Variants in PIGN observed in about 807,000 individuals in gnomAD.
The protein encoded by PIGN is GPI ethanolamine phosphate transferase 1.
PIGN carries 117 observed loss-of-function variants against 125.4 expected under a neutral mutation model. That is an observed-to-expected ratio of 0.93 (90% confidence interval 0.80 to 1.09). The LOEUF (loss-of-function observed/expected upper bound fraction) is 1.09. Ranked by LOEUF, PIGN falls within the 50% of genes least tolerant of loss-of-function variation. The pLI, the probability that PIGN is intolerant of heterozygous loss-of-function variation, is 0.00. For synonymous variants in PIGN, 392 were observed against 377.8 expected (o/e 1.04, Z -0.44); for missense variants, 1,075 against 1,094.9 (o/e 0.98, Z 0.26).
rs58451402 is a variant in PIGN, at chr18:62,121,481, A to T, written c.1173-6842T>A. Among the ~76,000 whole-genome samples the T allele has an allele frequency of 1.0e-2, 1,518 of 152,286 alleles. 21 individuals carry two copies. The highest frequency in any genetic ancestry group is 0.049 in the East Asian group (254 of 5,184). On this transcript the variant is annotated intron_variant, in intron 14 of 30. Coordinates refer to ENST00000640252, the MANE Select transcript of PIGN (RefSeq NM_176787.5). ...ATTGTTATACATGAATTAACACATA[A>T]ATTATTCCATGATGCAGAAAAGTTT...
At chr18:62,168,383 TA>T (rs1424931012) in intron 1 of PIGN, among the ~76,000 whole-genome samples, 4 of 152,216 alleles carry the variant, frequency 2.6e-5, no homozygotes, top group Non-Finnish European at 4.4e-5. Flanking sequence ...CATATTCACC[TA>T]AATGTTAACA....
intron 30 of PIGN, among the ~76,000 whole-genome samples, chr18:62,058,101 T>A (rs1455028447): frequency 6.6e-6 from 1 of 152,000 alleles, no homozygotes; most frequent in African/African-American, 2.4e-5. Flanking sequence ...TCAAAGACTC[T>A]TTCTTGTAAA....
intron 17 of PIGN, among the ~76,000 whole-genome samples, chr18:62,107,765 A>T (rs890226880): frequency 3.3e-5 from 5 of 152,184 alleles, no homozygotes; most frequent in Admixed American, 1.3e-4. Context: ...AAAATTTTTT[A>T]AAATTCACCC....
chr18:62,138,755 G>C (rs899944256), intron 13 of PIGN, among the ~76,000 whole-genome samples: 3 of 151,858 alleles, frequency 2.0e-5, no homozygotes, highest in Admixed American at 6.6e-5. Context: ...AAGCATATGT[G>C]GTAATCTTAC....
chr18:62,141,651 C>T (rs1377734695), intron 11 of PIGN, among the ~76,000 whole-genome samples: 3 of 152,202 alleles, frequency 2.0e-5, no homozygotes, highest in East Asian at 1.9e-4. Context: ...AATCCACTGT[C>T]GGCCACCTCT....
chr18:62,046,606 T>C (rs544980550), intron 30 of PIGN, among the ~76,000 whole-genome samples: 2 of 151,508 alleles, frequency 1.3e-5, no homozygotes, highest in Non-Finnish European at 2.9e-5. Flanking sequence ...TTGTCTTCCA[T>C]GAAACTACTC....
intron 14 of PIGN, among the ~76,000 whole-genome samples, chr18:62,122,345 A>G (rs2035339131): frequency 6.6e-6 from 1 of 152,164 alleles, no homozygotes; most frequent in Admixed American, 6.5e-5. Context: ...TAAAATTCCT[A>G]GATTACTCAT....
chr18:62,047,019 A>C (rs1361912172), intron 30 of PIGN, among the ~76,000 whole-genome samples: 2 of 152,226 alleles, frequency 1.3e-5, no homozygotes, highest in Admixed American at 6.5e-5. Flanking sequence ...AGAAATCCCC[A>C]AAAAACAATA....
Position 62,106,798 on chromosome 18 carries a change from A to G in PIGN, c.1758T>C (p.Thr586=). The G allele has an allele frequency of 6.2e-7, 1 of 1,604,502 alleles. No individual in the cohort carries two copies. The highest frequency in any genetic ancestry group is 8.5e-7 in the Non-Finnish European group (1 of 1,174,816). The change falls in exon 19 of 31, where the codon ACT becomes ACC. Residue 586 remains threonine (T), a synonymous_variant. Transcript: ENST00000640252. ...AAATGAGTACTCATACCTTTGCTCG[A>G]GTCCACAGCCGAGTGAGAAATGGCC... The part of the protein sequence containing the change: ...AAWPFLTRLW[T]RAKMTSLSWT...
At chr18:62,151,798 A>G (rs2036545871) in intron 7 of PIGN, among the ~76,000 whole-genome samples, 1 of 152,222 alleles carries the variant, frequency 6.6e-6, no homozygotes, top group Non-Finnish European at 1.5e-5. Flanking sequence ...GTTGCTGCAG[A>G]TCCTTACAGA....
chr18:62,159,894 A>T (rs576078154), intron 4 of PIGN, among the ~76,000 whole-genome samples: 1 of 152,186 alleles, frequency 6.6e-6, no homozygotes, highest in Non-Finnish European at 1.5e-5. Context: ...CAGGTGGATC[A>T]TGAGGTCAGG....
chr18:62,088,904 G>A, intron 24 of PIGN, 62 bp from the exon 25 acceptor site: 1 of 943,246 alleles, frequency 1.1e-6, no homozygotes, highest in Non-Finnish European at 1.7e-6. Context: ...TATATTTGAA[G>A]GCAAACTTAC....
chr18:62,127,993 C>A (rs190664679), intron 14 of PIGN, among the ~76,000 whole-genome samples: 25 of 152,150 alleles, frequency 1.6e-4, no homozygotes, highest in Admixed American at 7.9e-4. Context: ...GAAAACATAC[C>A]AACAAACTTA....
intron 14 of PIGN, among the ~76,000 whole-genome samples, chr18:62,122,774 A>G (rs1013641554): frequency 3.9e-5 from 6 of 152,176 alleles, no homozygotes; most frequent in South Asian, 2.1e-4. Context: ...CAGTTTAAAC[A>G]TTGACACCAA....
intron 14 of PIGN, chr18:62,118,417 A>G (rs2035170155): frequency 6.6e-6 from 1 of 152,140 alleles, no homozygotes; most frequent in Non-Finnish European, 1.5e-5. Context: ...CAAAACAATC[A>G]AGTAATGAAA....
chr18:62,087,999 G>A (rs1420463748), intron 25 of PIGN, among the ~76,000 whole-genome samples: 3 of 152,092 alleles, frequency 2.0e-5, no homozygotes, highest in Non-Finnish European at 4.4e-5. Context: ...CGCTAAGAGA[G>A]CTGATCTTAA....
chr18:62,133,863 T>A (rs1022001176), intron 14 of PIGN, among the ~76,000 whole-genome samples: 23 of 152,170 alleles, frequency 1.5e-4, no homozygotes, highest in Admixed American at 2.6e-4. Context: ...AAGGGCATAA[T>A]AACTCTTTTT....
chr18:62,055,411 T>C (rs2031643424), intron 30 of PIGN, among the ~76,000 whole-genome samples: 2 of 152,182 alleles, frequency 1.3e-5, no homozygotes, highest in African/African-American at 4.8e-5. Flanking sequence ...TTACATACTA[T>C]ATGATTTACT....
chr18:62,151,290 T>C (rs762373904), intron 7 of PIGN, among the ~76,000 whole-genome samples: 1 of 152,180 alleles, frequency 6.6e-6, no homozygotes, highest in Non-Finnish European at 1.5e-5. Flanking sequence ...ACACTGCCTC[T>C]CTAAAAGTGG....
Sources: gnomAD v4.1 joint callset for allele counts (sites outside exome capture counted in the v4.1 genomes callset) on GRCh38, gnomAD v4.1.1 for gene constraint, MANE v1.5 for transcripts, NCBI Gene and HGNC (gene_info 2026-07-23, HGNC 2026-07-21) for gene names.